The following CLOCK variants were observed in gnomAD, a reference collection of about 807,000 sequenced individuals.
CLOCK encodes circadian locomoter output cycles protein kaput.
CLOCK carries 43 observed loss-of-function variants against 118.4 expected under a neutral mutation model. The observed-to-expected ratio is 0.36, with a 90% confidence interval of 0.28 to 0.47. The LOEUF is 0.47. Among genes scored for constraint, CLOCK ranks in the 20% least tolerant of loss-of-function variants. CLOCK has a pLI of 1.00. For missense variants in CLOCK, 846 were observed against 999.9 expected (o/e 0.85, Z 2.08); for synonymous variants, 326 against 339.2 (o/e 0.96, Z 0.43).
chr4:55,453,621 C>A, intron 14 of CLOCK, 56 bp downstream of exon 14: 3 of 1,529,978 alleles, frequency 2.0e-6, no homozygotes, highest in Non-Finnish European at 2.7e-6. Flanking sequence ...AGTTACAATG[C>A]CAAAATCATC....
chr4:55,433,612 T>C lies in CLOCK; in HGVS notation c.*1803A>G, dbSNP rs1722665615. The C allele has an allele frequency of 6.6e-6, 1 of 152,216 alleles. No homozygotes were observed. Among genetic ancestry groups the C allele is most frequent in the Admixed American group, 6.5e-5 (1 of 15,278 alleles). The allele number at this position is 152,216 out of a possible 1,614,324, so 9.4% of individuals were successfully genotyped here. A position where few individuals can be genotyped will look rare whatever the true frequency, so the allele number is the denominator to read the frequency against. ...TTCTTTTGAGGTCAATTTTGATTTA[T>C]TACACTTGTCCTCTCCTCCCTTTCC... On this transcript the variant is annotated 3_prime_UTR_variant, in exon 23 of 23. Transcript: ENST00000513440.
rs749493360 is a variant in CLOCK at position 55,476,048 on chromosome 4, G to A, written c.263C>T (p.Thr88Ile). 3.7e-6 allele frequency: 6 copies of A among 1,610,744 alleles called. No homozygotes were observed. Among genetic ancestry groups the A allele is most frequent in the East Asian group, 2.2e-5 (1 of 44,822 alleles). Reference sequence around the variant, plus strand: ...AATTTCACTAGCATCTGACTGTGCAGTGATTTCTGTAAACAGATTGACATA... The same window carrying A: ...AATTTCACTAGCATCTGACTGTGCAATGATTTCTGTAAACAGATTGACATA... ...IDFLRKHKEI[T>I]AQSDASEIRQ... is the part of the protein sequence containing the mutation. The change falls in exon 7 of 23, where the codon ACT becomes ATT. Residue 88 changes from threonine to isoleucine, a missense_variant. Thr to Ile is a moderately conservative substitution (Grantham distance 89). Transcript: ENST00000513440.
At position 55,443,796 on chromosome 4, in the gene CLOCK, T is replaced by G. The variant is rs1269789797; in HGVS notation, c.1793A>C (p.Gln598Pro). Residue 598 changes from glutamine to proline, a missense_variant, in exon 20 of 23, where the codon CAA (glutamine) becomes CCA (proline). By Grantham distance (76) the Gln-to-Pro change is moderately conservative. Coordinates refer to ENST00000513440, the MANE Select transcript of CLOCK (RefSeq NM_004898.4). Reference sequence around the variant, plus strand: ...CTGGTTAGTAGGAACAACTTGGCCTTGCATATTTATAGGTGCAAGTTGCTG... The same window carrying G: ...CTGGTTAGTAGGAACAACTTGGCCTGGCATATTTATAGGTGCAAGTTGCTG... ...NIQQLAPINM[Q>P]GQVVPTNQIQ... 8.1e-6 allele frequency: 13 copies of G among 1,614,122 alleles called. No homozygotes were observed. Among genetic ancestry groups the G allele is most frequent in the Non-Finnish European group, 1.1e-5 (13 of 1,179,984 alleles).
Position 55,509,953 on chromosome 4 carries a change from T to C in CLOCK, c.-177A>G, listed in dbSNP as rs1356452336. The C allele has an allele frequency of 6.6e-6, 1 of 152,166 alleles. No homozygotes were observed. The highest frequency in any genetic ancestry group is 2.4e-5 in the African/African-American group (1 of 41,454). 9.4% of individuals were successfully genotyped at this position (152,166 alleles called of 1,614,324 possible). On this transcript the variant is annotated 5_prime_UTR_variant, in exon 2 of 23. Coordinates refer to ENST00000513440, the MANE Select transcript of CLOCK (RefSeq NM_004898.4). ...ATGATTGAAGGTATCTAGTGAGACT[T>C]GCCAAGTTCTAAAGATTCATTTAAG...
intron 3 of CLOCK, among the ~76,000 whole-genome samples, chr4:55,487,910 T>C (rs188238163): frequency 1.3e-5 from 2 of 152,294 alleles, no homozygotes; most frequent in Admixed American, 1.3e-4. Context: ...CTCTGTCCTG[T>C]TATGTCTTTC....
At chr4:55,539,534 C>T (rs774688728) in intron 1 of CLOCK, among the ~76,000 whole-genome samples, 3 of 130,118 alleles carry the variant, frequency 2.3e-5, no homozygotes, top group Non-Finnish European at 3.1e-5. Context: ...GTTCACACCA[C>T]TACACTCCAG....
intron 19 of CLOCK, among the ~76,000 whole-genome samples, chr4:55,444,217 CAT>C (rs964293945): frequency 1.3e-5 from 2 of 152,168 alleles, no homozygotes; most frequent in African/African-American, 4.8e-5. Flanking sequence ...TTACCAAAGT[CAT>C]AGTCTCCTAG....
intron 2 of CLOCK, 39 bp from the exon 3 acceptor site, chr4:55,489,504 A>G (rs1727530361): frequency 6.6e-6 from 1 of 152,162 alleles, no homozygotes; most frequent in African/African-American, 2.4e-5. Context: ...TATTCAACTT[A>G]CATAGAAGTT....
intron 13 of CLOCK, among the ~76,000 whole-genome samples, chr4:55,454,740 G>T (rs554543808): frequency 6.6e-6 from 1 of 152,022 alleles, no homozygotes; most frequent in South Asian, 2.1e-4. Context: ...TTCTCTGAGG[G>T]ATTATGAAGT....
chr4:55,465,980 A>G (rs1725712394), intron 8 of CLOCK, among the ~76,000 whole-genome samples: 1 of 148,992 alleles, frequency 6.7e-6, no homozygotes, highest in African/African-American at 2.5e-5. Context: ...ATAGGCCTGA[A>G]TAACACAAAT....
At chr4:55,479,069 T>C (rs10462032) in intron 5 of CLOCK, 106 bp from the exon 6 acceptor site, 352,485 of 931,296 alleles carry the variant, frequency 0.38, 70,027 homozygotes, top group East Asian at 0.61. Context: ...TCTATCAACA[T>C]AGATGGTAAC....
chr4:55,472,257 C>G (rs1328881725), intron 7 of CLOCK, among the ~76,000 whole-genome samples: 2 of 152,042 alleles, frequency 1.3e-5, no homozygotes, highest in Non-Finnish European at 2.9e-5. Context: ...GTTATGTTAA[C>G]AGGAAGGCAA....
chr4:55,533,621 G>A (rs1394583788), intron 1 of CLOCK, among the ~76,000 whole-genome samples: 1 of 152,140 alleles, frequency 6.6e-6, no homozygotes, highest in African/African-American at 2.4e-5. Context: ...AAGTGCTTAA[G>A]GCCAGGCATG....
intron 1 of CLOCK, among the ~76,000 whole-genome samples, chr4:55,515,126 A>C (rs1362397528): frequency 2.0e-5 from 3 of 152,314 alleles, no homozygotes; most frequent in African/African-American, 7.2e-5. Flanking sequence ...GCGTCCTTCA[A>C]GGAATTGGTC....
chr4:55,476,755 T>C (rs944347082), intron 6 of CLOCK, among the ~76,000 whole-genome samples: 1 of 152,162 alleles, frequency 6.6e-6, no homozygotes, highest in African/African-American at 2.4e-5. Flanking sequence ...ATAGATTTAG[T>C]TATGAAAAAG....
At chr4:55,485,585 G>C (rs1189995012) in intron 3 of CLOCK, among the ~76,000 whole-genome samples, 10 of 152,140 alleles carry the variant, frequency 6.6e-5, no homozygotes, top group Admixed American at 6.5e-4. Context: ...CCCTACACAA[G>C]CTGAAGTGGA....
chr4:55,453,015 G>A (rs372745916), intron 15 of CLOCK, 39 bp downstream of exon 15: 1 of 1,383,152 alleles, frequency 7.2e-7, no homozygotes, highest in South Asian at 1.3e-5. Context: ...TTATTGGGGA[G>A]AAATTAAAAA....
chr4:55,507,828 G>C (rs1423063289), intron 2 of CLOCK, among the ~76,000 whole-genome samples: 1 of 152,004 alleles, frequency 6.6e-6, no homozygotes, highest in Non-Finnish European at 1.5e-5. Flanking sequence ...ATATGTGCCA[G>C]GCCTATGCTA....
chr4:55,450,044 T>C, intron 16 of CLOCK, 47 bp downstream of exon 16: 2 of 1,600,870 alleles, frequency 1.2e-6, no homozygotes, highest in Non-Finnish European at 1.7e-6. Context: ...ACTAAAAGTT[T>C]AGTTAGTTAC....
Sources: gnomAD v4.1 joint callset for allele counts (sites outside exome capture counted in the v4.1 genomes callset) on GRCh38, gnomAD v4.1.1 for gene constraint, MANE v1.5 for transcripts, NCBI Gene and HGNC (gene_info 2026-07-23, HGNC 2026-07-21) for gene names.